Variants in C12orf42 observed in about 807,000 individuals in gnomAD.
C12orf42 encodes the protein uncharacterized protein C12orf42.
In C12orf42, 25 loss-of-function variants were observed where a neutral mutation model predicts 21.6. The ratio of observed to expected loss-of-function variants is 1.16; its 90% CI spans 0.84 to 1.62. The LOEUF is 1.62. Ranked by LOEUF, C12orf42 falls within the 40% of genes most tolerant of loss-of-function variation. The probability of loss-of-function intolerance (pLI) is 0.00; values close to 1 mark genes in which losing one functional copy is unlikely to be tolerated. For missense variants in C12orf42, 483 were observed against 459.3 expected (o/e 1.05, Z -0.47); for synonymous variants, 174 against 175.0 (o/e 0.99, Z 0.05).
At chr12:103,488,311 G>A (rs912587374) in intron 1 of C12orf42, among the ~76,000 whole-genome samples, 6 of 152,156 alleles carry the variant, frequency 3.9e-5, no homozygotes, top group Admixed American at 1.3e-4. Flanking sequence ...GGTTTCTGCC[G>A]AGATATCTGC....
chr12:103,349,906 A>G (rs138220403), intron 4 of C12orf42, among the ~76,000 whole-genome samples: 74 of 152,300 alleles, frequency 4.9e-4, no homozygotes, highest in African/African-American at 1.6e-3. Flanking sequence ...CATTAGGAGT[A>G]AGTATAGTCC....
At chr12:103,380,042 G>C (rs1038625034) in intron 3 of C12orf42, among the ~76,000 whole-genome samples, 3 of 152,088 alleles carry the variant, frequency 2.0e-5, no homozygotes, top group African/African-American at 7.2e-5. Context: ...TAATATCTAA[G>C]GCCCTAAAAT....
the C12orf42 span, among the ~76,000 whole-genome samples, chr12:103,200,497 TAATA>T: frequency 4.9e-4 from 74 of 152,256 alleles, no homozygotes; most frequent in African/African-American, 1.7e-3. Context: ...ACACAAAAAA[TAATA>T]AATAAGAGCA....
the C12orf42 span, among the ~76,000 whole-genome samples, chr12:103,560,495 A>G: frequency 1.3e-5 from 1 of 79,232 alleles, no homozygotes; most frequent in South Asian, 3.3e-4. Flanking sequence ...TAATGTAAGG[A>G]TCCCTGGATT....
the C12orf42 span, among the ~76,000 whole-genome samples, chr12:103,215,974 T>C: frequency 6.6e-6 from 1 of 152,208 alleles, no homozygotes; most frequent in Non-Finnish European, 1.5e-5. Flanking sequence ...CAGAGTGCAT[T>C]CTCTCATGTC....
At chr12:103,507,103 TA>T in the C12orf42 span, among the ~76,000 whole-genome samples, 257 of 15,160 alleles carry the variant, frequency 0.017, 51 homozygotes, top group African/African-American at 0.16. Context: ...ATTATATATA[TA>T]ATATAAATAT....
chr12:103,427,678 C>A (rs904147239), intron 2 of C12orf42, among the ~76,000 whole-genome samples: 1 of 152,190 alleles, frequency 6.6e-6, no homozygotes, highest in Non-Finnish European at 1.5e-5. Context: ...AATATACATT[C>A]TTCTCAGCAC....
At chr12:103,058,384 A>G in the C12orf42 span, among the ~76,000 whole-genome samples, 1 of 152,218 alleles carries the variant, frequency 6.6e-6, no homozygotes, top group Non-Finnish European at 1.5e-5. Context: ...GACCTATGTC[A>G]GATGGATAGC....
At chr12:103,181,341 A>G in the C12orf42 span, among the ~76,000 whole-genome samples, 1 of 152,216 alleles carries the variant, frequency 6.6e-6, no homozygotes, top group Admixed American at 6.5e-5. Context: ...TTAGGAAGCA[A>G]TATTCCAGTG....
At chr12:103,340,123 A>G (rs1322558795) in intron 4 of C12orf42, among the ~76,000 whole-genome samples, 1 of 152,212 alleles carries the variant, frequency 6.6e-6, no homozygotes, top group Non-Finnish European at 1.5e-5. Context: ...GTTGAGGAGA[A>G]AAGAGGAGGG....
At chr12:103,163,028 T>A in the C12orf42 span, 1 of 152,214 alleles carries the variant, frequency 6.6e-6, no homozygotes, top group African/African-American at 2.4e-5. Context: ...AAAATCCTTC[T>A]TTTTCCCAGG....
At chr12:103,342,482 C>T (rs2042248966) in intron 4 of C12orf42, among the ~76,000 whole-genome samples, 2 of 152,010 alleles carry the variant, frequency 1.3e-5, no homozygotes, top group Non-Finnish European at 2.9e-5. Context: ...TGTATAAATT[C>T]TCATCTAATC....
At chr12:103,326,788 C>T (rs544130929) in intron 4 of C12orf42, among the ~76,000 whole-genome samples, 1 of 152,316 alleles carries the variant, frequency 6.6e-6, no homozygotes, top group South Asian at 2.1e-4. Context: ...ACTGCTCTTT[C>T]CTTACCCTGT....
intron 4 of C12orf42, among the ~76,000 whole-genome samples, chr12:103,366,610 A>G (rs777061962): frequency 6.6e-6 from 1 of 152,046 alleles, no homozygotes; most frequent in Non-Finnish European, 1.5e-5. Flanking sequence ...ACTCAAACAA[A>G]TTAGCAAGAA....
At chr12:103,369,066 C>T in intron 3 of C12orf42, 68 bp from the exon 4 acceptor site, 1 of 731,436 alleles carries the variant, frequency 1.4e-6, no homozygotes, top group Non-Finnish European at 2.3e-6. Context: ...ATTCATGCCA[C>T]CTAGCACTCT....
At chr12:103,248,845 G>A (rs758144011) in intron 10 of C12orf42, among the ~76,000 whole-genome samples, 10 of 151,948 alleles carry the variant, frequency 6.6e-5, no homozygotes, top group Non-Finnish European at 1.2e-4. Context: ...CTTTCACAGT[G>A]TTTGGTATAT....
At chr12:103,104,128 C>CA in the C12orf42 span, among the ~76,000 whole-genome samples, 1 of 152,048 alleles carries the variant, frequency 6.6e-6, no homozygotes, top group South Asian at 2.1e-4. Context: ...TAATAAATGG[C>CA]AAAAAACAGT....
chr12:103,436,342 A>G (rs1480856501), intron 2 of C12orf42, among the ~76,000 whole-genome samples: 3 of 152,184 alleles, frequency 2.0e-5, no homozygotes, highest in Non-Finnish European at 4.4e-5. Context: ...AACTACATCA[A>G]CTAACAAGCA....
chr12:103,174,830 C>A, the C12orf42 span, among the ~76,000 whole-genome samples: 1 of 151,992 alleles, frequency 6.6e-6, no homozygotes, highest in Non-Finnish European at 1.5e-5. Flanking sequence ...CAAATCTCAC[C>A]AAGTGATGTC....
Sources: gnomAD v4.1 joint callset for allele counts (sites outside exome capture counted in the v4.1 genomes callset) on GRCh38, gnomAD v4.1.1 for gene constraint, MANE v1.5 for transcripts, NCBI Gene and HGNC (gene_info 2026-07-23, HGNC 2026-07-21) for gene names.